SPRYD4: variants seen among roughly 807,000 people sequenced by gnomAD.
SPRYD4 encodes SPRY domain-containing protein 4.
A neutral mutation model predicts 16.6 loss-of-function variants in SPRYD4; 12 were observed. That is an observed-to-expected ratio of 0.72 (90% CI 0.46 to 1.17). SPRYD4 has a LOEUF of 1.17. SPRYD4 is among the 50% of genes most tolerant of loss of function. The pLI, the probability that SPRYD4 is intolerant of heterozygous loss-of-function variation, is 0.00. For missense variants in SPRYD4, 260 were observed against 260.2 expected, an observed-to-expected ratio of 1.00 and a Z score of 0.00; for synonymous variants, 98 against 105.4, an observed-to-expected ratio of 0.93 and a Z score of 0.43.
Position 56,476,172 on chromosome 12 carries a change from T to TA in SPRYD4, c.*6595_*6596insA. On this transcript the variant is annotated 3_prime_UTR_variant, in exon 2 of 2. Transcript: ENST00000338146. The stretch of plus-strand genomic sequence containing the variant: ...GCTCCTCTCTTTCTCTTTCTTTTTT[T>TA]TGAGACAGTCTTGCTTTGTCACCCT... 5.9e-6 allele frequency: 3 copies of TA among 511,758 alleles called. No individual in the cohort carries two copies. The highest frequency in any genetic ancestry group is 1.0e-5 in the Non-Finnish European group (3 of 295,716). The allele number at this position is 511,758 out of a possible 1,614,324, so 31.7% of individuals were successfully genotyped here.
rs987124489 is a variant in SPRYD4, at chr12:56,469,285, G to A, written c.332G>A (p.Arg111Gln). 4 of 1,614,032 alleles carry A rather than the reference G, an allele frequency of 2.5e-6. No homozygotes were observed. Among genetic ancestry groups the A allele is most frequent in the East Asian group, 2.2e-5 (1 of 44,900 alleles). The change falls in exon 2 of 2, where the codon CGG (arginine) becomes CAG (glutamine). Residue 111 changes from arginine (R) to glutamine (Q), a missense_variant. Transcript: ENST00000338146. ...GGAGTGGCAGATGTGGACATGTCCC[G>A]GGATAGCTGCATTGGTGTTGATGAT... is the stretch of plus-strand genomic sequence containing the variant. ...RIGVADVDMS[R>Q]DSCIGVDDRS...
rs186883320 is a variant in SPRYD4, at chr12:56,469,253, C to T, written c.300C>T (p.Phe100=). 92 of 1,613,918 alleles carry T rather than the reference C, an allele frequency of 5.7e-5. 3 individuals carry two copies. In the Admixed American group the frequency reaches 1.2e-3, roughly 20 times the overall value. ...TGACAGTGAAGCGCTCCCAGCAGTT[C>T]CGGATAGGAGTGGCAGATGTGGACA... ...WEVTVKRSQQ[F]RIGVADVDMS... Residue 100 remains phenylalanine, a synonymous_variant, in exon 2 of 2, where the codon TTC becomes TTT. Transcript: ENST00000338146.
In SPRYD4 at chr12:56,474,499, T is replaced by TAG. The variant is rs769060469; in HGVS notation, c.*4923_*4924dup. On this transcript the variant is annotated 3_prime_UTR_variant, in exon 2 of 2. Coordinates refer to ENST00000338146, the MANE Select transcript of SPRYD4 (RefSeq NM_207344.4). ...TGAGAGAGTCAGTGTTCTCTCTTCT[T>TAG]AGCACTGGGCTCATGACAGATGGAT... 1 of 1,609,220 alleles carries TAG rather than the reference T, an allele frequency of 6.2e-7. No homozygotes were observed. Among genetic ancestry groups the TAG allele is most frequent in the South Asian group, 1.1e-5 (1 of 90,976 alleles).
At position 56,473,181 on chromosome 12, in the gene SPRYD4, A is replaced by G. The variant is rs765288255; in HGVS notation, c.*3604A>G. 7.6e-6 allele frequency: 12 copies of G among 1,568,772 alleles called. No individual in the cohort carries two copies. Among genetic ancestry groups the G allele is most frequent in the East Asian group, 4.5e-5 (2 of 44,638 alleles). Reference sequence around the variant, plus strand: ...AGGGATTACAGGCGTGAGCCACCGCACCTGGCCTTTGAAATATTCTTACAA... The same window carrying G: ...AGGGATTACAGGCGTGAGCCACCGCGCCTGGCCTTTGAAATATTCTTACAA... On this transcript the variant is annotated 3_prime_UTR_variant, in exon 2 of 2. Coordinates refer to ENST00000338146, the MANE Select transcript of SPRYD4 (RefSeq NM_207344.4).
rs1869196136 is a variant in SPRYD4, at chr12:56,470,693, G to C, written c.*1116G>C. 1 of 152,158 alleles carries C rather than the reference G, an allele frequency of 6.6e-6. No individual in the cohort carries two copies. The highest frequency in any genetic ancestry group is 2.4e-5 in the African/African-American group (1 of 41,452). The allele number at this position is 152,158 out of a possible 1,614,324, so 9.4% of individuals were successfully genotyped here. ...AGTTGGAACTTCCCGAGGAAGGAAG[G>C]AGGCCTGAGGTTTTGCACAATCTGT... On this transcript the variant is annotated 3_prime_UTR_variant, in exon 2 of 2. Transcript: ENST00000338146.
Position 56,474,964 on chromosome 12 carries a change from G to T in SPRYD4, c.*5387G>T. 1 of 1,613,724 alleles carries T rather than the reference G, an allele frequency of 6.2e-7. No individual in the cohort carries two copies. Among genetic ancestry groups the T allele is most frequent in the Non-Finnish European group, 8.5e-7 (1 of 1,179,880 alleles). ...GCCCTTTCACACTGTCAGGGTCTCA[G>T]CTGAAGCCCCCAACCCCTACTGCCC... On this transcript the variant is annotated 3_prime_UTR_variant, in exon 2 of 2. Transcript: ENST00000338146.
At position 56,474,776 on chromosome 12, in the gene SPRYD4, G is replaced by A. The variant is rs368844270; in HGVS notation, c.*5199G>A. The A allele has an allele frequency of 4.9e-4, 784 of 1,612,240 alleles. No individual in the cohort carries two copies. The highest frequency in any genetic ancestry group is 6.0e-4 in the Non-Finnish European group (713 of 1,178,658). ...ACGTGAACCTGCACATGGGACCCTC[G>A]GGTGTAGGGAAAGGGCAAGGGCAAG... On this transcript the variant is annotated 3_prime_UTR_variant, in exon 2 of 2. Transcript: ENST00000338146.
At position 56,479,373 on chromosome 12, in the gene SPRYD4, G is replaced by T; in HGVS notation, c.*9796G>T. 1.7e-6 allele frequency: 1 copy of T among 593,278 alleles called. No homozygotes were observed. The highest frequency in any genetic ancestry group is 2.8e-6 in the Non-Finnish European group (1 of 358,606). The allele number at this position is 593,278 out of a possible 1,614,324, so 36.8% of individuals were successfully genotyped here. On this transcript the variant is annotated 3_prime_UTR_variant, in exon 2 of 2. Coordinates refer to ENST00000338146, the MANE Select transcript of SPRYD4 (RefSeq NM_207344.4). ...TACCTCTAAAATGAGGGGTTTTAAT[G>T]ATGTGGAAAGACACTATGTCTTGGG...
chr12:56,477,422 G>T lies in SPRYD4; in HGVS notation c.*7845G>T. 2.4e-6 allele frequency: 1 copy of T among 418,888 alleles called. No individual in the cohort carries two copies. Among genetic ancestry groups the T allele is most frequent in the Non-Finnish European group, 4.3e-6 (1 of 232,682 alleles). The allele number at this position is 418,888 out of a possible 1,614,324, so 25.9% of individuals were successfully genotyped here. ...AAGGGTCAGAAAGCTCTAGGCTCTA[G>T]ACTCATGGGTGGGGGCAGGGAACAG... On this transcript the variant is annotated 3_prime_UTR_variant, in exon 2 of 2. Coordinates refer to ENST00000338146, the MANE Select transcript of SPRYD4 (RefSeq NM_207344.4).
chr12:56,479,324 T>C lies in SPRYD4; in HGVS notation c.*9747T>C. The C allele has an allele frequency of 9.7e-7, 1 of 1,032,760 alleles. No homozygotes were observed. Among genetic ancestry groups the C allele is most frequent in the Non-Finnish European group, 1.4e-6 (1 of 740,428 alleles). 64.0% of individuals were successfully genotyped at this position (1,032,760 alleles called of 1,614,324 possible). A position where few individuals can be genotyped will look rare whatever the true frequency, so the allele number is the denominator to read the frequency against. On this transcript the variant is annotated 3_prime_UTR_variant, in exon 2 of 2. Transcript: ENST00000338146. The stretch of plus-strand genomic sequence containing the variant: ...CTCTGTTACCTTTGGCAAATCAGTT[T>C]ACCTTTCTAGGTCTTAGTTTCCGTA...
At position 56,473,727 on chromosome 12, in the gene SPRYD4, A is replaced by G; in HGVS notation, c.*4150A>G. 1 of 1,096,748 alleles carries G rather than the reference A, an allele frequency of 9.1e-7. No individual in the cohort carries two copies. Among genetic ancestry groups the G allele is most frequent in the Non-Finnish European group, 1.3e-6 (1 of 798,582 alleles). The allele number at this position is 1,096,748 out of a possible 1,614,324, so 67.9% of individuals were successfully genotyped here. ...ATCCACCTCAACCTTTTGGCTTGTT[A>G]ATTAGCTTCTTTTATTACTCCTGTC... is the stretch of plus-strand genomic sequence containing the variant. On this transcript the variant is annotated 3_prime_UTR_variant, in exon 2 of 2. Transcript: ENST00000338146.
In SPRYD4 at chr12:56,477,753, C is replaced by A. The variant is rs781422519; in HGVS notation, c.*8176C>A. On this transcript the variant is annotated 3_prime_UTR_variant, in exon 2 of 2. Coordinates refer to ENST00000338146, the MANE Select transcript of SPRYD4 (RefSeq NM_207344.4). ...TACAAACCACCAAGAGTCTTAGCCACTGAACAAAGCCTCCCTGACAGCCCG... is the reference window on the plus strand; with the variant it reads ...TACAAACCACCAAGAGTCTTAGCCAATGAACAAAGCCTCCCTGACAGCCCG... 10 of 1,594,860 alleles carry A rather than the reference C, an allele frequency of 6.3e-6. No homozygotes were observed. The African/African-American group carries it at 1.4e-4, about 22-fold the overall frequency.
Position 56,478,613 on chromosome 12 carries a change from G to T in SPRYD4, c.*9036G>T. ...TCACCTGCTCTAGGAATCGTGTATA[G>T]AAACACATGAAGCCATGTCACCATT... is the stretch of plus-strand genomic sequence containing the variant. On this transcript the variant is annotated 3_prime_UTR_variant, in exon 2 of 2. Transcript: ENST00000338146. The T allele has an allele frequency of 3.5e-6, 1 of 288,660 alleles. No individual in the cohort carries two copies. The allele number at this position is 288,660 out of a possible 1,614,324, so 17.9% of individuals were successfully genotyped here.
chr12:56,468,743 T>C (rs1592269252), intron 1 of SPRYD4, 67 bp downstream of exon 1: 1 of 1,535,198 alleles, frequency 6.5e-7, no homozygotes, highest in Non-Finnish European at 9.0e-7. Context: ...CAGACCCCAC[T>C]CCGAGAAGCA....
Position 56,474,954 on chromosome 12 carries a change from C to G in SPRYD4, c.*5377C>G, listed in dbSNP as rs1869669368. 1 of 1,613,696 alleles carries G rather than the reference C, an allele frequency of 6.2e-7. No homozygotes were observed. The highest frequency in any genetic ancestry group is 1.3e-5 in the African/African-American group (1 of 75,050). On this transcript the variant is annotated 3_prime_UTR_variant, in exon 2 of 2. Transcript: ENST00000338146. The stretch of plus-strand genomic sequence containing the variant: ...CAGGACATCAGCCCTTTCACACTGT[C>G]AGGGTCTCAGCTGAAGCCCCCAACC...
Position 56,472,836 on chromosome 12 carries a change from G to T in SPRYD4, c.*3259G>T. On this transcript the variant is annotated 3_prime_UTR_variant, in exon 2 of 2. Transcript: ENST00000338146. ...TGTGACCCTCCTCCATGGATGCTTA[G>T]TCCAAGGGTATTGCTGAAGTGTTAT... is the stretch of plus-strand genomic sequence containing the variant. The T allele has an allele frequency of 9.7e-7, 1 of 1,034,508 alleles. No individual in the cohort carries two copies. The highest frequency in any genetic ancestry group is 1.6e-5 in the African/African-American group (1 of 63,184). The allele number at this position is 1,034,508 out of a possible 1,614,324, so 64.1% of individuals were successfully genotyped here.
rs1869240809 is a variant in SPRYD4, at chr12:56,471,353, T to C, written c.*1776T>C. 1.6e-5 allele frequency: 15 copies of C among 961,648 alleles called. No individual in the cohort carries two copies. The highest frequency in any genetic ancestry group is 1.8e-5 in the Non-Finnish European group (12 of 665,344). The allele number at this position is 961,648 out of a possible 1,614,324, so 59.6% of individuals were successfully genotyped here. Reference sequence around the variant, plus strand: ...GTATTTTGACTCCCATAGAAAGCACTAGCCTAAGTCACCAAATGACTGCTT... The same window carrying C: ...GTATTTTGACTCCCATAGAAAGCACCAGCCTAAGTCACCAAATGACTGCTT... On this transcript the variant is annotated 3_prime_UTR_variant, in exon 2 of 2. Transcript: ENST00000338146.
rs1000318992 is a variant in SPRYD4, at chr12:56,472,557, A to G, written c.*2980A>G. 3.8e-6 allele frequency: 3 copies of G among 790,860 alleles called. No individual in the cohort carries two copies. Among genetic ancestry groups the G allele is most frequent in the Non-Finnish European group, 6.1e-6 (3 of 491,610 alleles). The allele number at this position is 790,860 out of a possible 1,614,324, so 49.0% of individuals were successfully genotyped here. A position where few individuals can be genotyped will look rare whatever the true frequency, so the allele number is the denominator to read the frequency against. ...AAAAAAAATCTCCTTTTTTAAAAAA[A>G]TTTCATTTAAATGCAATCTATATCC... On this transcript the variant is annotated 3_prime_UTR_variant, in exon 2 of 2. Coordinates refer to ENST00000338146, the MANE Select transcript of SPRYD4 (RefSeq NM_207344.4).
In SPRYD4 at chr12:56,471,844, T is replaced by A. The variant is rs1208102846; in HGVS notation, c.*2267T>A. On this transcript the variant is annotated 3_prime_UTR_variant, in exon 2 of 2. Transcript: ENST00000338146. ...TAACAACTTCGATGTGTCCTAGGAA[T>A]ATGGGCAGAAGGAAAATGAGAAGGC... is the stretch of plus-strand genomic sequence containing the variant. 1.9e-6 allele frequency: 3 copies of A among 1,613,692 alleles called. No homozygotes were observed. The highest frequency in any genetic ancestry group is 3.3e-5 in the Admixed American group (2 of 60,008).
Sources: gnomAD v4.1 joint callset for allele counts on GRCh38, gnomAD v4.1.1 for gene constraint, MANE v1.5 for transcripts, NCBI Gene and HGNC (gene_info 2026-07-23, HGNC 2026-07-21) for gene names.